Variants in ADGRL3 observed in about 807,000 individuals in gnomAD.
The protein encoded by ADGRL3 is calcium-independent alpha-latrotoxin receptor 3.
Under a neutral mutation model 153.5 loss-of-function variants are expected in ADGRL3, and 62 were observed. The ratio of observed to expected loss-of-function variants is 0.40; its 90% CI spans 0.33 to 0.50. ADGRL3 has a LOEUF of 0.50. ADGRL3 is among the 20% of genes least tolerant of loss of function. The probability of loss-of-function intolerance (pLI) is 0.47; values close to 1 mark genes in which losing one functional copy is unlikely to be tolerated. For missense variants in ADGRL3, 1,641 were observed against 1,859.4 expected, an observed-to-expected ratio of 0.88 and a Z score of 2.16; for synonymous variants, 710 against 672.5, an observed-to-expected ratio of 1.06 and a Z score of -0.86.
At chr4:61,590,334 A>G (rs1348221008) in intron 5 of ADGRL3, among the ~76,000 whole-genome samples, 2 of 151,932 alleles carry the variant, frequency 1.3e-5, no homozygotes, top group Non-Finnish European at 2.9e-5. Context: ...TATTATTTGA[A>G]TGGTTTCTAT....
chr4:61,671,611 C>G (rs2095003208), intron 5 of ADGRL3, among the ~76,000 whole-genome samples: 1 of 152,102 alleles, frequency 6.6e-6, no homozygotes, highest in Non-Finnish European at 1.5e-5. Context: ...ATTTCTCTTT[C>G]CAATTTCTGT....
rs192751098 is a variant in ADGRL3, at chr4:62,057,223, C to T, written c.3815-10943C>T. 1.4e-3 allele frequency among the ~76,000 whole-genome samples: 211 copies of T among 152,234 alleles called. 1 individual carries two copies. The highest frequency in any genetic ancestry group is 4.8e-3 in the African/African-American group (200 of 41,542). On this transcript the variant is annotated intron_variant, in intron 25 of 26. Transcript: ENST00000683033. ...ACAGTTTCAAAGCACATCATTCAGC[C>T]TTAGATTTCCAGTCCTCAGTTACAT...
At chr4:61,363,044 G>T (rs990072623) in intron 1 of ADGRL3, among the ~76,000 whole-genome samples, 2 of 152,094 alleles carry the variant, frequency 1.3e-5, no homozygotes, top group African/African-American at 4.8e-5. Context: ...TTTTTCATGG[G>T]TTTAAAATCT....
intron 5 of ADGRL3, among the ~76,000 whole-genome samples, chr4:61,600,408 G>A (rs993559227): frequency 6.7e-6 from 1 of 150,108 alleles, no homozygotes; most frequent in African/African-American, 2.5e-5. Flanking sequence ...CCAAAATTAT[G>A]TTAGGTTTAG....
intron 8 of ADGRL3, among the ~76,000 whole-genome samples, chr4:61,739,280 G>A (rs2096554632): frequency 6.6e-6 from 1 of 150,840 alleles, no homozygotes; most frequent in African/African-American, 2.4e-5. Flanking sequence ...TATTGATATT[G>A]TTTTAGTCAG....
At chr4:61,821,652 C>A (rs2097757491) in intron 9 of ADGRL3, among the ~76,000 whole-genome samples, 1 of 152,030 alleles carries the variant, frequency 6.6e-6, no homozygotes, top group African/African-American at 2.4e-5. Context: ...ATGATATATA[C>A]TCTGAGACAA....
chr4:61,399,386 T>C (rs1475764423), intron 2 of ADGRL3, among the ~76,000 whole-genome samples: 1 of 151,684 alleles, frequency 6.6e-6, no homozygotes, highest in Non-Finnish European at 1.5e-5. Flanking sequence ...AAACAAAATA[T>C]TTTCAGTGTG....
At chr4:61,750,283 C>T (rs1368406570) in intron 8 of ADGRL3, among the ~76,000 whole-genome samples, 1 of 149,526 alleles carries the variant, frequency 6.7e-6, no homozygotes, top group Non-Finnish European at 1.5e-5. Context: ...TATCAATAAT[C>T]ATGCAAAGGC....
intron 8 of ADGRL3, among the ~76,000 whole-genome samples, chr4:61,795,945 C>A (rs1026760902): frequency 2.0e-5 from 3 of 152,072 alleles, no homozygotes; most frequent in East Asian, 1.9e-4. Flanking sequence ...CAGGTTCAAG[C>A]GATTCTCCTG....
At chr4:61,306,607 A>G (rs192647053) in intron 1 of ADGRL3, among the ~76,000 whole-genome samples, 1 of 152,290 alleles carries the variant, frequency 6.6e-6, no homozygotes, top group African/African-American at 2.4e-5. Flanking sequence ...GCAGATGTGC[A>G]ATGTCTTTCT....
At chr4:61,822,646 A>T (rs931881725) in intron 9 of ADGRL3, among the ~76,000 whole-genome samples, 9 of 152,164 alleles carry the variant, frequency 5.9e-5, no homozygotes, top group Admixed American at 4.6e-4. Context: ...ATTTGAAATA[A>T]TTTAGCATAC....
intron 5 of ADGRL3, among the ~76,000 whole-genome samples, chr4:61,665,681 T>A (rs1428917947): frequency 6.6e-6 from 1 of 152,196 alleles, no homozygotes; most frequent in Non-Finnish European, 1.5e-5. Flanking sequence ...AACTTTTATT[T>A]ACATTTGCTG....
At chr4:61,888,889 G>A (rs2098554242) in intron 9 of ADGRL3, among the ~76,000 whole-genome samples, 1 of 152,072 alleles carries the variant, frequency 6.6e-6, no homozygotes, top group African/African-American at 2.4e-5. Flanking sequence ...GGGAGAGGGA[G>A]CTTTATTTTC....
intron 9 of ADGRL3, among the ~76,000 whole-genome samples, chr4:61,825,978 A>T (rs1251028399): frequency 6.6e-6 from 1 of 152,178 alleles, no homozygotes; most frequent in African/African-American, 2.4e-5. Flanking sequence ...AATGGCAAAT[A>T]GAATCTTTTC....
At chr4:61,936,350 G>C (rs2098838251) in intron 15 of ADGRL3, among the ~76,000 whole-genome samples, 1 of 152,130 alleles carries the variant, frequency 6.6e-6, no homozygotes, top group Non-Finnish European at 1.5e-5. Flanking sequence ...TCCTCAAAAA[G>C]AGGAACTCTC....
At chr4:61,214,089 C>T (rs181461678) in intron 1 of ADGRL3, among the ~76,000 whole-genome samples, 2 of 152,238 alleles carry the variant, frequency 1.3e-5, no homozygotes, top group East Asian at 3.9e-4. Context: ...TGTATAGTAA[C>T]TTTTACTAAC....
At chr4:61,808,951 C>T (rs2097579569) in intron 8 of ADGRL3, among the ~76,000 whole-genome samples, 3 of 151,754 alleles carry the variant, frequency 2.0e-5, no homozygotes, top group Admixed American at 2.0e-4. Context: ...TACTAACATC[C>T]AAAACGTTAT....
At chr4:61,616,095 A>G (rs191066060) in intron 5 of ADGRL3, among the ~76,000 whole-genome samples, 2 of 152,304 alleles carry the variant, frequency 1.3e-5, no homozygotes, top group African/African-American at 4.8e-5. Flanking sequence ...AGTCCAAAAG[A>G]TATTTATTTT....
At chr4:61,965,810 A>T (rs2099004400) in intron 17 of ADGRL3, among the ~76,000 whole-genome samples, 1 of 152,192 alleles carries the variant, frequency 6.6e-6, no homozygotes. Flanking sequence ...CATTTTGCCT[A>T]TCTTGATAAG....
Sources: allele counts gnomAD v4.1 joint callset (sites outside exome capture counted in the v4.1 genomes callset), GRCh38; gene constraint gnomAD v4.1.1; transcripts MANE v1.5; gene names NCBI Gene and HGNC (gene_info 2026-07-23, HGNC 2026-07-21).